MCTP1: variants seen among roughly 807,000 people sequenced by gnomAD.
MCTP1 encodes the protein multiple C2 and transmembrane domain containing 1, also known as multiple C2 and transmembrane domain-containing protein 1.
A neutral mutation model predicts 120.6 loss-of-function variants in MCTP1; 69 were observed. The ratio of observed to expected loss-of-function variants is 0.57; its 90% CI spans 0.47 to 0.70. MCTP1 has a LOEUF of 0.70. MCTP1 is among the 30% of genes least tolerant of loss of function. The pLI is 0.00. For synonymous variants in MCTP1, 529 were observed against 493.1 expected (o/e 1.07, Z -0.96); for missense variants, 1,203 against 1,248.8 (o/e 0.96, Z 0.55).
chr5:94,804,416 T>C (rs1328669721), intron 17 of MCTP1, among the ~76,000 whole-genome samples: 2 of 152,186 alleles, frequency 1.3e-5, no homozygotes, highest in Non-Finnish European at 2.9e-5. Context: ...AAGTACTATA[T>C]TATTAATGTA....
intron 1 of MCTP1, among the ~76,000 whole-genome samples, chr5:95,022,480 A>G (rs1562031660): frequency 6.6e-6 from 1 of 152,156 alleles, no homozygotes; most frequent in East Asian, 1.9e-4. Flanking sequence ...TCTATCTCAA[A>G]TGTCATATTT....
chr5:95,139,627 G>C (rs1010503614), intron 1 of MCTP1, among the ~76,000 whole-genome samples: 44 of 152,064 alleles, frequency 2.9e-4, no homozygotes, highest in Non-Finnish European at 1.5e-5. Context: ...CTCACCAAAG[G>C]TTAATTTCTA....
intron 2 of MCTP1, among the ~76,000 whole-genome samples, chr5:94,964,636 T>C (rs1003353233): frequency 3.3e-5 from 5 of 152,350 alleles, no homozygotes; most frequent in East Asian, 3.9e-4. Context: ...AAAGTTTGTC[T>C]TGTCTGATAT....
At chr5:95,219,618 T>G (rs969444371) in intron 1 of MCTP1, among the ~76,000 whole-genome samples, 1 of 152,162 alleles carries the variant, frequency 6.6e-6, no homozygotes, top group Non-Finnish European at 1.5e-5. Flanking sequence ...CTGTTCAGCT[T>G]TGGGTGGACC....
intron 1 of MCTP1, among the ~76,000 whole-genome samples, chr5:95,062,521 A>G (rs1749500333): frequency 1.3e-5 from 2 of 152,178 alleles, no homozygotes. Context: ...TAGATGTGAA[A>G]ATCAGACAGG....
chr5:95,071,288 T>C (rs963036212), intron 1 of MCTP1, among the ~76,000 whole-genome samples: 5 of 152,168 alleles, frequency 3.3e-5, no homozygotes, highest in African/African-American at 4.8e-5. Flanking sequence ...TCGTAGTCAC[T>C]GATTAGGAGA....
intron 19 of MCTP1, among the ~76,000 whole-genome samples, chr5:94,746,178 T>C (rs1004527814): frequency 1.3e-5 from 2 of 152,234 alleles, no homozygotes; most frequent in South Asian, 2.1e-4. Context: ...TTTGTCATTA[T>C]GTACAAAGTC....
intron 12 of MCTP1, among the ~76,000 whole-genome samples, chr5:94,881,884 T>G (rs1205091155): frequency 6.6e-6 from 1 of 152,142 alleles, no homozygotes; most frequent in African/African-American, 2.4e-5. Context: ...TATATTCTGG[T>G]TAGTCAATGT....
chr5:95,068,709 C>A (rs1751320650), intron 1 of MCTP1: 3 of 923,232 alleles, frequency 3.2e-6, no homozygotes, highest in Non-Finnish European at 4.3e-6. Context: ...ACAATTCGGT[C>A]AAAAAATAAA....
chr5:95,185,277 A>G (rs1394504229), intron 1 of MCTP1, among the ~76,000 whole-genome samples: 1 of 152,246 alleles, frequency 6.6e-6, no homozygotes, highest in South Asian at 2.1e-4. Flanking sequence ...ATGAACTTAG[A>G]TGCAGAAATC....
At chr5:95,079,274 AC>A (rs755022531) in intron 1 of MCTP1, among the ~76,000 whole-genome samples, 72 of 152,190 alleles carry the variant, frequency 4.7e-4, no homozygotes, top group Non-Finnish European at 8.4e-4. Flanking sequence ...TATACTAAGC[AC>A]CTATGGGAAG....
At chr5:95,183,269 CCATA>C (rs1225023738) in intron 1 of MCTP1, among the ~76,000 whole-genome samples, 1 of 151,770 alleles carries the variant, frequency 6.6e-6, no homozygotes, top group African/African-American at 2.4e-5. Context: ...CAACCTCACA[CCATA>C]CAAAGAATGA....
chr5:94,707,931 T>C (rs906701077), intron 22 of MCTP1, among the ~76,000 whole-genome samples: 7 of 150,460 alleles, frequency 4.7e-5, no homozygotes, highest in African/African-American at 1.7e-4. Context: ...TGTCATGTCA[T>C]AGCAAATGAA....
chr5:95,206,775 A>G (rs1751670470), intron 1 of MCTP1, among the ~76,000 whole-genome samples: 1 of 152,082 alleles, frequency 6.6e-6, no homozygotes, highest in Non-Finnish European at 1.5e-5. Flanking sequence ...TGAACTCGTG[A>G]TCCACCCCCC....
At chr5:94,803,391 T>C (rs934371066) in intron 17 of MCTP1, among the ~76,000 whole-genome samples, 6 of 152,178 alleles carry the variant, frequency 3.9e-5, no homozygotes, top group Admixed American at 3.9e-4. Flanking sequence ...GCTGCTGCAG[T>C]GTGGTACAGT....
intron 18 of MCTP1, among the ~76,000 whole-genome samples, chr5:94,793,994 C>T (rs1779493898): frequency 6.6e-6 from 1 of 152,186 alleles, no homozygotes; most frequent in African/African-American, 2.4e-5. Flanking sequence ...AATGAAGAAA[C>T]AAATGCTTTG....
intron 1 of MCTP1, among the ~76,000 whole-genome samples, chr5:95,251,730 T>C (rs1757401666): frequency 6.6e-6 from 1 of 152,124 alleles, no homozygotes; most frequent in Non-Finnish European, 1.5e-5. Context: ...TGCTTACTAT[T>C]ATAGTACCTG....
rs543634161 is a variant in MCTP1 at position 95,143,748 on chromosome 5, T to C, written c.721-126264A>G. On this transcript the variant is annotated intron_variant, in intron 1 of 22. Coordinates refer to ENST00000515393, the MANE Select transcript of MCTP1 (RefSeq NM_024717.7). ...AAAGGACATGATCTTGTTCTTTTTA[T>C]GGCTGCATATTATTCCATGGAGTGT... Among the ~76,000 whole-genome samples the C allele has an allele frequency of 3.3e-5, 5 of 152,336 alleles. No individual in the cohort carries two copies. In the South Asian group the frequency reaches 1.0e-3, roughly 32 times the overall value.
chr5:94,723,579 T>A (rs926375180), intron 19 of MCTP1, among the ~76,000 whole-genome samples: 1 of 152,082 alleles, frequency 6.6e-6, no homozygotes, highest in Non-Finnish European at 1.5e-5. Flanking sequence ...TTGTTTTTGC[T>A]TTTTTGCAGA....
Sources: gnomAD v4.1 joint callset for allele counts (sites outside exome capture counted in the v4.1 genomes callset) on GRCh38, gnomAD v4.1.1 for gene constraint, MANE v1.5 for transcripts, NCBI Gene and HGNC (gene_info 2026-07-23, HGNC 2026-07-21) for gene names.